GLP2R: variants seen among roughly 807,000 people sequenced by gnomAD.
GLP2R encodes the protein glucagon-like peptide 2 receptor.
Under a neutral mutation model 68.2 loss-of-function variants are expected in GLP2R, and 59 were observed. The ratio of observed to expected loss-of-function variants is 0.87; its 90% CI spans 0.70 to 1.07. GLP2R has a LOEUF of 1.07. Among genes scored for constraint, GLP2R ranks in the 50% least tolerant of loss-of-function variants. The probability of loss-of-function intolerance (pLI) is 0.00; values close to 1 mark genes in which losing one functional copy is unlikely to be tolerated. For missense variants in GLP2R, 548 were observed against 677.4 expected, an observed-to-expected ratio of 0.81 and a Z score of 2.12; for synonymous variants, 270 against 265.4, an observed-to-expected ratio of 1.02 and a Z score of -0.17.
rs79865959 is a variant in GLP2R at position 9,850,347 on chromosome 17, C to T, written c.505-4148C>T. Among the ~76,000 whole-genome samples, 396 of 152,298 alleles carry T rather than the reference C, an allele frequency of 2.6e-3. 3 individuals are homozygous for T. Among genetic ancestry groups the T allele is most frequent in the African/African-American group, 9.1e-3 (379 of 41,568 alleles). On this transcript the variant is annotated intron_variant, in intron 4 of 12. Coordinates refer to ENST00000262441, the MANE Select transcript of GLP2R (RefSeq NM_004246.3). The stretch of plus-strand genomic sequence containing the variant: ...TAGCAGGTGCTCTTGGCGCCCTGCC[C>T]GTATCCCTTTGCCCTAATCAATTCA...
chr17:9,843,539 G>T (rs936178385), intron 4 of GLP2R, among the ~76,000 whole-genome samples: 2 of 152,188 alleles, frequency 1.3e-5, no homozygotes, highest in Admixed American at 6.5e-5. Flanking sequence ...TAACTGGTCC[G>T]CAAGTCCCCA....
intron 9 of GLP2R, among the ~76,000 whole-genome samples, chr17:9,868,309 T>A (rs924698177): frequency 6.6e-6 from 1 of 152,076 alleles, no homozygotes; most frequent in Admixed American, 6.5e-5. Context: ...TGGCGGTAGA[T>A]GGAAGAGTTT....
intron 4 of GLP2R, among the ~76,000 whole-genome samples, chr17:9,847,073 T>C (rs2066845699): frequency 6.6e-6 from 1 of 152,218 alleles, no homozygotes; most frequent in Non-Finnish European, 1.5e-5. Context: ...AATTTCAAGC[T>C]ACCAGTGTGA....
intron 4 of GLP2R, among the ~76,000 whole-genome samples, chr17:9,852,523 T>C (rs1380431420): frequency 6.6e-6 from 1 of 152,068 alleles, no homozygotes; most frequent in Non-Finnish European, 1.5e-5. Flanking sequence ...CTAACTGCCA[T>C]CTTAAGAAAC....
chr17:9,866,002 G>A (rs1445154551), intron 9 of GLP2R: 1 of 447,730 alleles, frequency 2.2e-6, no homozygotes, highest in Non-Finnish European at 4.6e-6. Flanking sequence ...TGAACAATAA[G>A]GAGCTAAACC....
At chr17:9,884,998 A>G (rs2067229798) in intron 11 of GLP2R, among the ~76,000 whole-genome samples, 1 of 152,054 alleles carries the variant, frequency 6.6e-6, no homozygotes, top group African/African-American at 2.4e-5. Flanking sequence ...AGGCCCGGTA[A>G]AGACAAGTAA....
chr17:9,836,456 C>T lies in GLP2R; in HGVS notation c.363C>T (p.Tyr121=), dbSNP rs768053705. 1 of 1,603,912 alleles carries T rather than the reference C, an allele frequency of 6.2e-7. No individual in the cohort carries two copies. The highest frequency in any genetic ancestry group is 8.5e-7 in the Non-Finnish European group (1 of 1,170,664). The part of the protein sequence containing the change: ...PGNVSVPCPS[Y]LPWWSEESSG... ...ATGTCTCTGTACCCTGCCCTTCATA[C>T]TTACCTTGGTGGAGTGAAGGTAATA... is the stretch of plus-strand genomic sequence containing the variant. The change falls in exon 3 of 13, where the codon TAC becomes TAT. Residue 121 remains tyrosine (Y), a synonymous_variant. Coordinates refer to ENST00000262441, the MANE Select transcript of GLP2R (RefSeq NM_004246.3).
At chr17:9,865,402 C>T (rs1567731045) in intron 9 of GLP2R, among the ~76,000 whole-genome samples, 1 of 152,144 alleles carries the variant, frequency 6.6e-6, no homozygotes, top group Non-Finnish European at 1.5e-5. Flanking sequence ...AATCCATCCT[C>T]TTGTTGCAGC....
chr17:9,826,950 C>T (rs1734356851), intron 1 of GLP2R, among the ~76,000 whole-genome samples: 1 of 152,208 alleles, frequency 6.6e-6, no homozygotes, highest in African/African-American at 2.4e-5. Context: ...TGGCTCACTG[C>T]AACCTCTGCC....
chr17:9,837,154 G>A (rs916094007), intron 3 of GLP2R, among the ~76,000 whole-genome samples: 5 of 151,972 alleles, frequency 3.3e-5, no homozygotes, highest in African/African-American at 1.2e-4. Context: ...GCGCCTGGCC[G>A]ATTAAGTTAT....
At chr17:9,830,080 A>T (rs888804380) in intron 1 of GLP2R, among the ~76,000 whole-genome samples, 24 of 152,104 alleles carry the variant, frequency 1.6e-4, no homozygotes, top group African/African-American at 5.6e-4. Context: ...ACTTGGATGT[A>T]CCCCTTGTGT....
chr17:9,889,271 C>T (rs1391834045), intron 12 of GLP2R, 99 bp from the exon 13 acceptor site: 2 of 748,892 alleles, frequency 2.7e-6, no homozygotes, highest in East Asian at 5.2e-5. Flanking sequence ...GTAAATTTCC[C>T]AAGGGTGGCA....
At chr17:9,864,357 A>G (rs1359107031) in intron 9 of GLP2R, among the ~76,000 whole-genome samples, 1 of 151,388 alleles carries the variant, frequency 6.6e-6, no homozygotes, top group Non-Finnish European at 1.5e-5. Context: ...AAGTTTGTGA[A>G]CCTCTTTGTC....
chr17:9,837,437 G>T (rs1030341910), intron 3 of GLP2R, among the ~76,000 whole-genome samples: 6 of 151,646 alleles, frequency 4.0e-5, no homozygotes, highest in Non-Finnish European at 7.3e-5. Context: ...AATGGCCACT[G>T]TCATGGAGAG....
intron 12 of GLP2R, among the ~76,000 whole-genome samples, chr17:9,888,936 A>G (rs1339225911): frequency 6.6e-6 from 1 of 152,090 alleles, no homozygotes; most frequent in African/African-American, 2.4e-5. Context: ...CCCTACTACA[A>G]GTGTAAATAT....
At chr17:9,857,923 T>C (rs1445064184) in intron 6 of GLP2R, among the ~76,000 whole-genome samples, 1 of 152,236 alleles carries the variant, frequency 6.6e-6, no homozygotes, top group Non-Finnish European at 1.5e-5. Context: ...CAACTGGGGA[T>C]AGAAGATACC....
intron 5 of GLP2R, among the ~76,000 whole-genome samples, chr17:9,855,118 G>A (rs2066923755): frequency 6.6e-6 from 1 of 152,140 alleles, no homozygotes; most frequent in African/African-American, 2.4e-5. Flanking sequence ...TAAAACAGTG[G>A]AAAACAAAAG....
At chr17:9,852,773 T>C (rs979621659) in intron 4 of GLP2R, 1 of 255,566 alleles carries the variant, frequency 3.9e-6, no homozygotes, top group African/African-American at 2.3e-5. Context: ...TTTTCTTCAG[T>C]TTCCTCATCA....
rs185123820 is a variant in GLP2R at position 9,842,473 on chromosome 17, C to T, written c.383-22C>T. ...CGGGCTGTGTGTTCTGACCTTTCCTCCAGAGCTTTGTTTACTTTCAGAGAG... is the reference window on the plus strand; with the variant it reads ...CGGGCTGTGTGTTCTGACCTTTCCTTCAGAGCTTTGTTTACTTTCAGAGAG... On this transcript the variant is annotated intron_variant, in intron 3 of 12. Transcript: ENST00000262441. 24 of 1,614,056 alleles carry T rather than the reference C, an allele frequency of 1.5e-5. No individual in the cohort carries two copies. The East Asian group carries it at 4.9e-4, about 33-fold the overall frequency.
Sources: allele counts gnomAD v4.1 joint callset (sites outside exome capture counted in the v4.1 genomes callset), GRCh38; gene constraint gnomAD v4.1.1; transcripts MANE v1.5; gene names NCBI Gene and HGNC (gene_info 2026-07-23, HGNC 2026-07-21).